The following SORCS1 variants were observed in gnomAD, a reference collection of about 807,000 sequenced individuals.
SORCS1 encodes the protein VPS10 domain-containing receptor SorCS1.
SORCS1 carries 60 observed loss-of-function variants against 146.1 expected under a neutral mutation model. The observed-to-expected ratio is 0.41, with a 90% CI of 0.33 to 0.51. The LOEUF (loss-of-function observed/expected upper bound fraction) is 0.51, where lower values mean the gene tolerates loss of function less well. SORCS1 is among the 20% of genes least tolerant of loss of function. The pLI is 0.21. For missense variants in SORCS1, 1,352 were observed against 1,487.6 expected, an observed-to-expected ratio of 0.91 and a Z score of 1.50; for synonymous variants, 637 against 584.0, an observed-to-expected ratio of 1.09 and a Z score of -1.31.
At chr10:106,694,477 C>A (rs568882454) in intron 9 of SORCS1, among the ~76,000 whole-genome samples, 1 of 152,194 alleles carries the variant, frequency 6.6e-6, no homozygotes, top group South Asian at 2.1e-4. Context: ...AAACACTTAC[C>A]CTCTGGTGAT....
At chr10:106,593,510 C>T (rs1845736463) in intron 24 of SORCS1, among the ~76,000 whole-genome samples, 1 of 152,182 alleles carries the variant, frequency 6.6e-6, no homozygotes, top group Non-Finnish European at 1.5e-5. Context: ...GTTTCCAAAA[C>T]TCAGTTATTC....
chr10:107,023,979 G>A (rs12764094), intron 1 of SORCS1, among the ~76,000 whole-genome samples: 1 of 152,016 alleles, frequency 6.6e-6, no homozygotes, highest in Non-Finnish European at 1.5e-5. Context: ...TTCGAGACCA[G>A]CCTGACCAAC....
intron 2 of SORCS1, among the ~76,000 whole-genome samples, chr10:106,890,860 A>T (rs1457607031): frequency 6.6e-6 from 1 of 152,026 alleles, no homozygotes; most frequent in East Asian, 1.9e-4. Context: ...AAAGCTTGAG[A>T]CCACATCTCA....
At chr10:107,008,272 G>A (rs1957540680) in intron 1 of SORCS1, among the ~76,000 whole-genome samples, 1 of 152,152 alleles carries the variant, frequency 6.6e-6, no homozygotes, top group Admixed American at 6.5e-5. Context: ...GGTGATAGAA[G>A]TCCAAACCCT....
Position 107,095,542 on chromosome 10 carries a change from A to C in SORCS1, c.558+68427T>G, listed in dbSNP as rs555983304. On this transcript the variant is annotated intron_variant, in intron 1 of 25. Transcript: ENST00000263054. ...CAGAAAGCAATGAATTTTAACTGGA[A>C]GTCAGTAAGATACATTCAAGTGGCA... Among the ~76,000 whole-genome samples, 195 of 152,352 alleles carry C rather than the reference A, an allele frequency of 1.3e-3. 2 individuals carry two copies. Among genetic ancestry groups the C allele is most frequent in the African/African-American group, 4.5e-3 (189 of 41,588 alleles).
chr10:106,978,989 G>T (rs1251468106), intron 1 of SORCS1, among the ~76,000 whole-genome samples: 1 of 152,130 alleles, frequency 6.6e-6, no homozygotes, highest in African/African-American at 2.4e-5. Flanking sequence ...CTCTCAGGCT[G>T]TAGTTTGCCA....
chr10:107,112,254 T>C (rs778161021), intron 1 of SORCS1, among the ~76,000 whole-genome samples: 8 of 151,930 alleles, frequency 5.3e-5, no homozygotes, highest in Non-Finnish European at 7.4e-5. Flanking sequence ...AAATGGGAAA[T>C]GGGGCAGTAC....
At chr10:106,703,697 C>T (rs1002312206) in intron 8 of SORCS1, among the ~76,000 whole-genome samples, 2 of 152,138 alleles carry the variant, frequency 1.3e-5, no homozygotes, top group East Asian at 1.9e-4. Flanking sequence ...TTCCTTTGGT[C>T]GGCATGAAGC....
At chr10:107,022,863 G>A (rs942810772) in intron 1 of SORCS1, among the ~76,000 whole-genome samples, 32 of 152,302 alleles carry the variant, frequency 2.1e-4, no homozygotes, top group African/African-American at 6.7e-4. Flanking sequence ...GATTCAAGGT[G>A]TAAGATGGGA....
At chr10:107,121,238 T>C (rs982370061) in intron 1 of SORCS1, among the ~76,000 whole-genome samples, 1 of 152,152 alleles carries the variant, frequency 6.6e-6, no homozygotes, top group African/African-American at 2.4e-5. Flanking sequence ...GTCTGGAATA[T>C]AGTAGCTCAG....
chr10:107,168,043 A>C (rs183292934), upstream of SORCS1, among the ~76,000 whole-genome samples: 436 of 152,264 alleles, frequency 2.9e-3, 4 homozygotes, highest in African/African-American at 1.0e-2. Flanking sequence ...AATAATATCC[A>C]AACTCCTTAC....
chr10:106,699,773 G>A (rs1226949567), intron 8 of SORCS1, among the ~76,000 whole-genome samples: 2 of 152,256 alleles, frequency 1.3e-5, no homozygotes, highest in African/African-American at 4.8e-5. Context: ...ATGAGGAAAA[G>A]CTGGAGGAAC....
chr10:106,837,461 C>T (rs1412121177), intron 2 of SORCS1, among the ~76,000 whole-genome samples: 3 of 151,922 alleles, frequency 2.0e-5, no homozygotes, highest in African/African-American at 7.3e-5. Context: ...TCCCACTTCT[C>T]CAATTCCATG....
intron 1 of SORCS1, among the ~76,000 whole-genome samples, chr10:107,092,215 G>C (rs1964234393): frequency 6.6e-6 from 1 of 152,202 alleles, no homozygotes; most frequent in Non-Finnish European, 1.5e-5. Flanking sequence ...TTGGAGCTTA[G>C]GAAAGAGAGA....
intron 1 of SORCS1, among the ~76,000 whole-genome samples, chr10:107,139,844 A>G (rs990919550): frequency 3.9e-5 from 6 of 152,178 alleles, no homozygotes; most frequent in African/African-American, 1.4e-4. Context: ...ACCTGGCCAA[A>G]CACTAAGTGC....
At chr10:106,773,105 G>T (rs1195984999) in intron 4 of SORCS1, among the ~76,000 whole-genome samples, 3 of 152,204 alleles carry the variant, frequency 2.0e-5, no homozygotes, top group African/African-American at 7.2e-5. Context: ...CTAAGGGATT[G>T]TTCACCACAA....
In SORCS1 at chr10:106,969,034, T is replaced by TA. The variant is rs747802636; in HGVS notation, c.559-12455dup. ...TTTGCCTAAAAGGAAATTCAAAACT[T>TA]AAAAAAAATCTGGCTTGAAACTAAA... On this transcript the variant is annotated intron_variant, in intron 1 of 25. Transcript: ENST00000263054. Among the ~76,000 whole-genome samples the TA allele has an allele frequency of 5.7e-4, 87 of 152,154 alleles. 1 individual carries two copies. Among genetic ancestry groups the TA allele is most frequent in the Non-Finnish European group, 9.6e-4 (65 of 67,974 alleles).
chr10:106,721,374 G>T (rs1245286483), intron 6 of SORCS1, among the ~76,000 whole-genome samples: 1 of 152,102 alleles, frequency 6.6e-6, no homozygotes, highest in Non-Finnish European at 1.5e-5. Flanking sequence ...GTAGCAATCT[G>T]ATATTTTTAA....
In SORCS1 at chr10:106,677,329, G is replaced by C; in HGVS notation, c.1816C>G (p.Pro606Ala). The change falls in exon 13 of 26, where the codon CCA becomes GCA. Residue 606 changes from proline (P) to alanine (A), a missense_variant. Transcript: ENST00000263054. ...TGCCCTTACCAAAGATGTCGAATTGGGAGAGATGTGTGTTTCATAGCAACC... is the reference window on the plus strand; with the variant it reads ...TGCCCTTACCAAAGATGTCGAATTGCGAGAGATGTGTGTTTCATAGCAACC... ...VLVAMKHTSL[P>A]IRHLWLSFDE... The C allele has an allele frequency of 6.2e-7, 1 of 1,613,848 alleles. No individual in the cohort carries two copies. The highest frequency in any genetic ancestry group is 1.1e-5 in the South Asian group (1 of 91,070).
Sources: gnomAD v4.1 joint callset for allele counts (sites outside exome capture counted in the v4.1 genomes callset) on GRCh38, gnomAD v4.1.1 for gene constraint, MANE v1.5 for transcripts, NCBI Gene and HGNC (gene_info 2026-07-23, HGNC 2026-07-21) for gene names.